BLOC1S5: variants seen among roughly 807,000 people sequenced by gnomAD.
BLOC1S5 encodes the protein biogenesis of lysosomal organelles complex 1 subunit 5.
BLOC1S5 carries 27 observed loss-of-function variants against 24.3 expected under a neutral mutation model. The observed-to-expected ratio is 1.11, with a 90% CI of 0.82 to 1.53. BLOC1S5 has a LOEUF of 1.53. BLOC1S5 is among the 40% of genes most tolerant of loss of function. The pLI is 0.00. For synonymous variants in BLOC1S5, 84 were observed against 74.5 expected, an observed-to-expected ratio of 1.13 and a Z score of -0.66; for missense variants, 239 against 229.4, an observed-to-expected ratio of 1.04 and a Z score of -0.27.
rs74957603 is a variant in BLOC1S5 at position 8,015,617 on chromosome 6, T to C, written c.*32A>G. ...TTTCAGGAGAGAGGTGAACATCTTC[T>C]CATTAGTTTGTGATTGTTGTGGTTC... On this transcript the variant is annotated 3_prime_UTR_variant, in exon 5 of 5. Coordinates refer to ENST00000397457, the MANE Select transcript of BLOC1S5 (RefSeq NM_201280.3). 2,709 of 1,593,200 alleles carry C rather than the reference T, an allele frequency of 1.7e-3. 48 individuals carry two copies. The African/African-American group carries it at 0.033, about 19-fold the overall frequency.
chr6:8,039,332 T>C (rs1260269650), intron 3 of BLOC1S5, among the ~76,000 whole-genome samples: 1 of 152,204 alleles, frequency 6.6e-6, no homozygotes, highest in Non-Finnish European at 1.5e-5. Context: ...TTAATGGATA[T>C]AAATATATGG....
chr6:8,050,008 G>A (rs556733536), intron 2 of BLOC1S5, among the ~76,000 whole-genome samples: 7 of 152,128 alleles, frequency 4.6e-5, no homozygotes, highest in Admixed American at 2.0e-4. Context: ...CACTGTGTCC[G>A]GTGGATGTAT....
At chr6:8,053,661 C>G (rs1444930563) in intron 2 of BLOC1S5, among the ~76,000 whole-genome samples, 1 of 152,162 alleles carries the variant, frequency 6.6e-6, no homozygotes, top group East Asian at 1.9e-4. Flanking sequence ...CACGTCATTG[C>G]AGAGGCCTGT....
rs3030896 is a variant in BLOC1S5 at position 8,019,269 on chromosome 6, C to CTTTT, written c.385-3445_385-3442dup. Among the ~76,000 whole-genome samples the CTTTT allele has an allele frequency of 1.8e-4, 25 of 138,752 alleles. 1 individual carries two copies. Among genetic ancestry groups the CTTTT allele is most frequent in the African/African-American group, 5.6e-4 (21 of 37,770 alleles). 91.0% of individuals were successfully genotyped at this position (138,752 alleles called of 152,430 possible). On this transcript the variant is annotated intron_variant, in intron 4 of 4. Transcript: ENST00000397457. ...TAATAGTAACTGCTAGGCATTCTTACTTTTTTTTTTTTTTTTGAGATGGAG... is the reference window on the plus strand; with the variant it reads ...TAATAGTAACTGCTAGGCATTCTTACTTTTTTTTTTTTTTTTTTTTGAGATGGAG...
chr6:8,054,148 ATCTTC>A, intron 2 of BLOC1S5: 1 of 364,592 alleles, frequency 2.7e-6, no homozygotes, highest in Non-Finnish European at 5.3e-6. Context: ...TTAGGTGATA[ATCTTC>A]TCTTTTCCCA....
chr6:8,024,686 G>A (rs1763049814), intron 4 of BLOC1S5, among the ~76,000 whole-genome samples: 4 of 152,096 alleles, frequency 2.6e-5, no homozygotes, highest in African/African-American at 9.7e-5. Flanking sequence ...CTACAGCAGG[G>A]ATCTTACCCA....
At chr6:8,060,017 T>G (rs140389237) in intron 2 of BLOC1S5, among the ~76,000 whole-genome samples, 1 of 152,366 alleles carries the variant, frequency 6.6e-6, no homozygotes, top group East Asian at 1.9e-4. Context: ...TGACTTTATA[T>G]AACCAGCTGT....
intron 2 of BLOC1S5, among the ~76,000 whole-genome samples, chr6:8,057,248 CA>C (rs1561871576): frequency 2.0e-5 from 3 of 151,574 alleles, no homozygotes; most frequent in Non-Finnish European, 4.4e-5. Flanking sequence ...AAAGAAAAGA[CA>C]AAAAAACCCC....
At chr6:8,061,639 A>T (rs7763203) in intron 2 of BLOC1S5, among the ~76,000 whole-genome samples, 28,392 of 152,048 alleles carry the variant, frequency 0.19, 2,856 homozygotes, top group South Asian at 0.31. Flanking sequence ...ATTAAAAGGT[A>T]CTCTCCTTTT....
intron 3 of BLOC1S5, among the ~76,000 whole-genome samples, chr6:8,032,300 G>A (rs540665600): frequency 5.3e-4 from 81 of 152,210 alleles, no homozygotes; most frequent in African/African-American, 1.6e-3. Context: ...ATGGGCTAAG[G>A]ATGTGAATAG....
At chr6:8,018,280 T>G (rs996664255) in intron 4 of BLOC1S5, among the ~76,000 whole-genome samples, 1 of 152,160 alleles carries the variant, frequency 6.6e-6, no homozygotes, top group Non-Finnish European at 1.5e-5. Flanking sequence ...CAAAAACTGT[T>G]ACAGTCTAAG....
intron 3 of BLOC1S5, among the ~76,000 whole-genome samples, chr6:8,035,651 A>G (rs1010830019): frequency 4.6e-5 from 7 of 152,234 alleles, no homozygotes; most frequent in South Asian, 2.1e-4. Context: ...GAAGGTCACT[A>G]TATAATCATA....
intron 2 of BLOC1S5, among the ~76,000 whole-genome samples, chr6:8,052,525 T>G (rs914291765): frequency 6.6e-6 from 1 of 152,032 alleles, no homozygotes; most frequent in Admixed American, 6.6e-5. Context: ...ATGGGTGACT[T>G]TGAGCAGTTC....
rs957590994 is a variant in BLOC1S5, at chr6:8,062,659, G to A, written c.113-43C>T. On this transcript the variant is annotated intron_variant, in intron 1 of 4. Coordinates refer to ENST00000397457, the MANE Select transcript of BLOC1S5 (RefSeq NM_201280.3). The stretch of plus-strand genomic sequence containing the variant: ...AATTCAGGGTTAATCCATGCTAAAT[G>A]GCATAATCTCTAGCTTGTTTTACTC... 8 of 1,325,826 alleles carry A rather than the reference G, an allele frequency of 6.0e-6. No individual in the cohort carries two copies. The African/African-American group carries it at 1.2e-4, about 20-fold the overall frequency. 82.1% of individuals were successfully genotyped at this position (1,325,826 alleles called of 1,614,324 possible). A position where few individuals can be genotyped will look rare whatever the true frequency, so the allele number is the denominator to read the frequency against.
At chr6:8,045,474 G>A (rs1039760727) in intron 2 of BLOC1S5, among the ~76,000 whole-genome samples, 1 of 152,036 alleles carries the variant, frequency 6.6e-6, no homozygotes, top group Non-Finnish European at 1.5e-5. Flanking sequence ...GGAGTTGTGG[G>A]AAGAGGACCA....
chr6:8,062,603 A>C lies in BLOC1S5; in HGVS notation c.126T>G (p.Ile42Met), dbSNP rs1002926917. The C allele has an allele frequency of 1.3e-6, 2 of 1,597,684 alleles. No individual in the cohort carries two copies. Among genetic ancestry groups the C allele is most frequent in the Admixed American group, 1.7e-5 (1 of 58,430 alleles). ...AHLIIKDLGE[I>M]HSRLLDHRPV... The stretch of plus-strand genomic sequence containing the variant: ...GTCTGTGATCCAAAAGCCTTGAATG[A>C]ATTTCTCCAAGATCTATAAAGATAA... The change falls in exon 2 of 5, where the codon ATT becomes ATG. Residue 42 changes from isoleucine (I) to methionine (M), a missense_variant. Coordinates refer to ENST00000397457, the MANE Select transcript of BLOC1S5 (RefSeq NM_201280.3).
intron 4 of BLOC1S5, among the ~76,000 whole-genome samples, chr6:8,023,863 T>C (rs922328792): frequency 6.6e-6 from 1 of 151,878 alleles, no homozygotes; most frequent in African/African-American, 2.4e-5. Context: ...CACATGTGTA[T>C]GTGTGGGGTT....
chr6:8,039,987 C>T (rs777964434), intron 3 of BLOC1S5, among the ~76,000 whole-genome samples: 8 of 152,144 alleles, frequency 5.3e-5, no homozygotes, highest in Non-Finnish European at 1.0e-4. Flanking sequence ...GGTGAAAAGT[C>T]GTGAAGTTAA....
chr6:8,050,386 G>A (rs767861548), intron 2 of BLOC1S5, among the ~76,000 whole-genome samples: 3 of 151,944 alleles, frequency 2.0e-5, no homozygotes, highest in Non-Finnish European at 2.9e-5. Flanking sequence ...CTCTCCTTGG[G>A]CCTCCGTATT....
Sources: allele counts gnomAD v4.1 joint callset (sites outside exome capture counted in the v4.1 genomes callset), GRCh38; gene constraint gnomAD v4.1.1; transcripts MANE v1.5; gene names NCBI Gene and HGNC (gene_info 2026-07-23, HGNC 2026-07-21).